The following FAAH2 variants were observed in gnomAD, a reference collection of about 807,000 sequenced individuals.
FAAH2 encodes the protein fatty-acid amide hydrolase 2.
FAAH2 carries 60 observed loss-of-function variants against 36.9 expected under a neutral mutation model. The observed-to-expected ratio is 1.63, with a 90% CI of 1.32 to 2.02. The LOEUF (loss-of-function observed/expected upper bound fraction) is 2.02, where lower values mean the gene tolerates loss of function less well. Among genes scored for constraint, FAAH2 ranks in the 30% most tolerant of loss-of-function variants. The pLI, the probability that FAAH2 is intolerant of heterozygous loss-of-function variation, is 0.00. For synonymous variants in FAAH2, 214 were observed against 143.8 expected, an observed-to-expected ratio of 1.49 and a Z score of -3.49; for missense variants, 689 against 397.5, an observed-to-expected ratio of 1.73 and a Z score of -6.23.
At chrX:57,265,231 C>T in the FAAH2 span, among the ~76,000 whole-genome samples, 1 of 111,577 alleles carries the variant, frequency 9.0e-6, no homozygotes, top group Admixed American at 9.5e-5. Context: ...TTTAGATACT[C>T]CAGCTTTCTG....
At chrX:57,470,199 C>T (rs1306462141) in intron 10 of FAAH2, among the ~76,000 whole-genome samples, 1 of 110,412 alleles carries the variant, frequency 9.1e-6, no homozygotes, top group Non-Finnish European at 1.9e-5. Context: ...ACTATAGGAG[C>T]AAGAGCGAAC....
chrX:57,296,679 C>T (rs979552776), intron 2 of FAAH2, among the ~76,000 whole-genome samples: 3 of 110,819 alleles, frequency 2.7e-5, no homozygotes, highest in Non-Finnish European at 5.7e-5. Context: ...AGTTTGAACC[C>T]ATGACAAAGA....
At chrX:57,425,035 A>G (rs2056126401) in intron 7 of FAAH2, among the ~76,000 whole-genome samples, 1 of 63,287 alleles carries the variant, frequency 1.6e-5, no homozygotes, top group Non-Finnish European at 4.8e-5. Context: ...GATAGATATT[A>G]AAAAACAAAA....
At chrX:57,162,740 G>A in the FAAH2 span, among the ~76,000 whole-genome samples, 2 of 111,616 alleles carry the variant, frequency 1.8e-5, no homozygotes, top group East Asian at 2.8e-4. Context: ...GTCTGTATTG[G>A]TTATTCTAGT....
At chrX:57,482,664 A>G (rs192394080) in intron 10 of FAAH2, among the ~76,000 whole-genome samples, 1 of 107,049 alleles carries the variant, frequency 9.3e-6, no homozygotes, top group African/African-American at 3.4e-5. Context: ...TGGGAGCTGC[A>G]GACCAGATCT....
the FAAH2 span, among the ~76,000 whole-genome samples, chrX:57,160,528 G>T: frequency 8.9e-6 from 1 of 111,869 alleles, no homozygotes; most frequent in Admixed American, 9.5e-5. Flanking sequence ...TCCTGTTATT[G>T]TTCTATGCAG....
the FAAH2 span, among the ~76,000 whole-genome samples, chrX:57,267,829 G>T: frequency 9.0e-6 from 1 of 111,299 alleles, no homozygotes; most frequent in Non-Finnish European, 1.9e-5. Context: ...TATCAAATAG[G>T]ATAAAAGAAA....
the FAAH2 span, among the ~76,000 whole-genome samples, chrX:57,124,324 T>C: frequency 9.2e-3 from 1,026 of 111,297 alleles, 5 homozygotes; most frequent in African/African-American, 0.032. Flanking sequence ...AGATGTGTGG[T>C]GTTATTTCTG....
intron 7 of FAAH2, among the ~76,000 whole-genome samples, chrX:57,405,610 A>G (rs1289207407): frequency 9.4e-6 from 1 of 106,712 alleles, no homozygotes; most frequent in Admixed American, 1.0e-4. Context: ...CTCCAGCGGT[A>G]TATCAGAGCT....
intron 7 of FAAH2, among the ~76,000 whole-genome samples, chrX:57,403,826 A>G (rs1327748317): frequency 8.9e-6 from 1 of 112,431 alleles, no homozygotes; most frequent in Non-Finnish European, 1.9e-5. Context: ...TTTGTATGGT[A>G]ATTAAGATTT....
chrX:57,373,166 A>G (rs1464883174), intron 5 of FAAH2, among the ~76,000 whole-genome samples: 1 of 111,171 alleles, frequency 9.0e-6, no homozygotes, highest in African/African-American at 3.3e-5. Flanking sequence ...TATTTTTGCA[A>G]TTGCAAACTG....
chrX:57,202,598 G>A, the FAAH2 span, among the ~76,000 whole-genome samples: 2 of 111,661 alleles, frequency 1.8e-5, no homozygotes, highest in Non-Finnish European at 3.8e-5. Context: ...GCCCAGCACA[G>A]CACTGGTTCT....
Position 57,331,816 on chromosome X carries a change from G to A in FAAH2, c.622+9G>A. 2.5e-6 allele frequency: 3 copies of A among 1,194,819 alleles called. No individual in the cohort carries two copies. Among genetic ancestry groups the A allele is most frequent in the Middle Eastern group, 2.4e-4 (1 of 4,190 alleles). Reference sequence around the variant, plus strand: ...TGTAGGTGGAAGTTCTGGTGAGTTGGACATTTTAGTATGGCATGAATAGCT... The same window carrying A: ...TGTAGGTGGAAGTTCTGGTGAGTTGAACATTTTAGTATGGCATGAATAGCT... On this transcript the variant is annotated intron_variant, in intron 4 of 10. Coordinates refer to ENST00000374900, the MANE Select transcript of FAAH2 (RefSeq NM_174912.4).
chrX:57,216,554 A>ATATATG, the FAAH2 span, among the ~76,000 whole-genome samples: 73 of 39,677 alleles, frequency 1.8e-3, 1 homozygote, highest in Middle Eastern at 0.014. Flanking sequence ...GTATATGTAT[A>ATATATG]TATATATATA....
intron 3 of FAAH2, among the ~76,000 whole-genome samples, chrX:57,323,587 A>T (rs1186143788): frequency 5.4e-5 from 6 of 110,342 alleles, no homozygotes; most frequent in Non-Finnish European, 1.1e-4. Context: ...ATGGACAGTG[A>T]TGATAAGCAT....
the FAAH2 span, among the ~76,000 whole-genome samples, chrX:57,141,508 A>G: frequency 8.9e-6 from 1 of 111,754 alleles, no homozygotes; most frequent in Admixed American, 9.5e-5. Context: ...TAGGATTTGT[A>G]TTAGTTCTTC....
intron 10 of FAAH2, among the ~76,000 whole-genome samples, chrX:57,454,264 C>T (rs1423310120): frequency 8.9e-6 from 1 of 112,515 alleles, no homozygotes; most frequent in African/African-American, 3.2e-5. Flanking sequence ...CAGAAATAAA[C>T]ATTCTGTACA....
chrX:57,257,191 G>C, the FAAH2 span, among the ~76,000 whole-genome samples: 1 of 111,747 alleles, frequency 8.9e-6, no homozygotes, highest in Non-Finnish European at 1.9e-5. Context: ...CCCATTATTT[G>C]GCATATACCC....
the FAAH2 span, among the ~76,000 whole-genome samples, chrX:57,194,973 G>A: frequency 2.7e-5 from 3 of 111,201 alleles, no homozygotes; most frequent in African/African-American, 6.5e-5. Context: ...GTGTGTGTGT[G>A]TAAGTGTGTA....
Sources: allele counts gnomAD v4.1 joint callset (sites outside exome capture counted in the v4.1 genomes callset), GRCh38; gene constraint gnomAD v4.1.1; transcripts MANE v1.5; gene names NCBI Gene and HGNC (gene_info 2026-07-23, HGNC 2026-07-21).